SYNRG: variants seen among roughly 807,000 people sequenced by gnomAD.
SYNRG encodes the protein AP1 gamma subunit binding protein 1.
A neutral mutation model predicts 130.9 loss-of-function variants in SYNRG; 37 were observed. The observed-to-expected ratio is 0.28, with a 90% CI of 0.22 to 0.37. The LOEUF is 0.37. Among genes scored for constraint, SYNRG ranks in the 10% least tolerant of loss-of-function variants. The pLI is 1.00. For missense variants in SYNRG, 1,338 were observed against 1,588.9 expected, an observed-to-expected ratio of 0.84 and a Z score of 2.68; for synonymous variants, 539 against 568.1, an observed-to-expected ratio of 0.95 and a Z score of 0.73.
intron 19 of SYNRG, among the ~76,000 whole-genome samples, chr17:37,535,164 A>C (rs1435771189): frequency 6.6e-6 from 1 of 152,198 alleles, no homozygotes; most frequent in African/African-American, 2.4e-5. Context: ...ATTCCAAGGA[A>C]TAAATGGTCA....
chr17:37,546,231 A>T (rs895514390), intron 14 of SYNRG, among the ~76,000 whole-genome samples: 7 of 152,204 alleles, frequency 4.6e-5, no homozygotes, highest in African/African-American at 1.7e-4. Flanking sequence ...GTATAGATGG[A>T]TTTTCAATTT....
At chr17:37,558,837 T>C (rs1357608426) in intron 13 of SYNRG, among the ~76,000 whole-genome samples, 2 of 152,208 alleles carry the variant, frequency 1.3e-5, no homozygotes, top group African/African-American at 4.8e-5. Context: ...TCCTGTGTCT[T>C]GGTTGTGGCC....
rs188324990 is a variant in SYNRG, at chr17:37,522,336, G to T, written c.3667-1688C>A. Among the ~76,000 whole-genome samples, 176 of 151,824 alleles carry T rather than the reference G, an allele frequency of 1.2e-3. 1 individual carries two copies. The highest frequency in any genetic ancestry group is 4.8e-3 in the Admixed American group (73 of 15,250). ...TGCCACCACGCCCAGCTAATTTTTT[G>T]ATTTTTTTGTAAAGATGATTATCTC... is the stretch of plus-strand genomic sequence containing the variant. On this transcript the variant is annotated intron_variant, in intron 19 of 21. Coordinates refer to ENST00000612223, the MANE Select transcript of SYNRG (RefSeq NM_007247.6).
chr17:37,606,959 G>A (rs2063802797), intron 1 of SYNRG, among the ~76,000 whole-genome samples: 1 of 151,512 alleles, frequency 6.6e-6, no homozygotes, highest in South Asian at 2.1e-4. Flanking sequence ...GAGGGTGGGT[G>A]GCAAAAAGAA....
intron 7 of SYNRG, among the ~76,000 whole-genome samples, chr17:37,577,048 C>A (rs1476147816): frequency 6.6e-6 from 1 of 151,984 alleles, no homozygotes; most frequent in African/African-American, 2.4e-5. Context: ...TACATTTTAA[C>A]TTTTCAACCT....
intron 19 of SYNRG, among the ~76,000 whole-genome samples, chr17:37,534,913 T>C (rs888966468): frequency 6.0e-5 from 9 of 149,562 alleles, no homozygotes; most frequent in African/African-American, 2.2e-4. Context: ...AAAAAAAAAA[T>C]TGGAATAGCA....
At chr17:37,520,028 G>T in intron 21 of SYNRG, 151 bp downstream of exon 21, 1 of 793,586 alleles carries the variant, frequency 1.3e-6, no homozygotes, top group Non-Finnish European at 2.1e-6. Context: ...CACATTAGGA[G>T]ACTCCATCAA....
intron 15 of SYNRG, 179 bp downstream of exon 15, chr17:37,541,793 G>T: frequency 1.5e-6 from 1 of 661,554 alleles, no homozygotes; most frequent in Non-Finnish European, 2.5e-6. Context: ...GAGGGATGCT[G>T]ATTTTGACTC....
At chr17:37,604,785 T>C (rs1308405483) in intron 1 of SYNRG, among the ~76,000 whole-genome samples, 2 of 152,154 alleles carry the variant, frequency 1.3e-5, no homozygotes. Flanking sequence ...TCCTTTCACT[T>C]GAACACTTAG....
intron 3 of SYNRG, among the ~76,000 whole-genome samples, chr17:37,587,375 T>C (rs1412661661): frequency 6.6e-6 from 1 of 152,162 alleles, no homozygotes; most frequent in Non-Finnish European, 1.5e-5. Context: ...TTTTAATGAG[T>C]GAAAACTCTT....
intron 11 of SYNRG, among the ~76,000 whole-genome samples, chr17:37,564,929 G>T (rs1272366220): frequency 1.3e-5 from 2 of 152,182 alleles, no homozygotes; most frequent in African/African-American, 2.4e-5. Context: ...TTTGCTGGAT[G>T]AATAAATGAA....
chr17:37,586,332 C>A, intron 4 of SYNRG, 87 bp downstream of exon 4: 1 of 1,544,864 alleles, frequency 6.5e-7, no homozygotes, highest in South Asian at 1.2e-5. Context: ...GTTTTAGTTT[C>A]AAATCTGCAC....
At chr17:37,524,002 T>C (rs2055499447) in intron 19 of SYNRG, among the ~76,000 whole-genome samples, 1 of 152,206 alleles carries the variant, frequency 6.6e-6, no homozygotes, top group African/African-American at 2.4e-5. Context: ...GGAAGTTCGA[T>C]GTCGGGGCTC....
intron 10 of SYNRG, among the ~76,000 whole-genome samples, chr17:37,569,198 T>G (rs2145931123): frequency 6.6e-6 from 1 of 152,304 alleles, no homozygotes; most frequent in South Asian, 2.1e-4. Context: ...TCTCCTGAGG[T>G]CAGAAGTTCG....
chr17:37,574,928 A>C (rs1458651145), intron 8 of SYNRG, among the ~76,000 whole-genome samples: 1 of 152,216 alleles, frequency 6.6e-6, no homozygotes, highest in Non-Finnish European at 1.5e-5. Context: ...ATGGATAAAG[A>C]AAATGTGGTA....
chr17:37,570,766 A>T lies in SYNRG; in HGVS notation c.1218T>A (p.Pro406=). ...GGGGCATGGAGCCCGCAGGACCTGA[A>T]GGTATCACAGTTGGCTGACTCACCG... ...PTPVSQPTVI[P]SGPAGSMPLS... Residue 406 remains proline, a synonymous_variant, in exon 10 of 22, where the codon CCT becomes CCA. Coordinates refer to ENST00000612223, the MANE Select transcript of SYNRG (RefSeq NM_007247.6). The T allele has an allele frequency of 6.2e-7, 1 of 1,614,224 alleles. No homozygotes were observed. Among genetic ancestry groups the T allele is most frequent in the East Asian group, 2.2e-5 (1 of 44,896 alleles).
chr17:37,543,931 A>G (rs773635267), intron 14 of SYNRG, among the ~76,000 whole-genome samples: 9 of 152,270 alleles, frequency 5.9e-5, no homozygotes, highest in Admixed American at 2.0e-4. Flanking sequence ...TGACAACCAC[A>G]TATGTGATTT....
intron 1 of SYNRG, among the ~76,000 whole-genome samples, chr17:37,603,202 CTT>C (rs2063442601): frequency 6.6e-6 from 1 of 152,090 alleles, no homozygotes; most frequent in Non-Finnish European, 1.5e-5. Context: ...TCTAGATACT[CTT>C]TAGAGAATCT....
rs760757435 is a variant in SYNRG, at chr17:37,609,383, C to T, written c.-28G>A. ...TGCTCCCGACCTGCCGCTGCCTTCG[C>T]CGCCGCCACCTTATCAGCAGCTGTC... On this transcript the variant is annotated 5_prime_UTR_variant, in exon 1 of 22. Coordinates refer to ENST00000612223, the MANE Select transcript of SYNRG (RefSeq NM_007247.6). The T allele has an allele frequency of 2.1e-6, 3 of 1,403,120 alleles. No individual in the cohort carries two copies. Among genetic ancestry groups the T allele is most frequent in the Non-Finnish European group, 2.8e-6 (3 of 1,082,666 alleles). The allele number at this position is 1,403,120 out of a possible 1,614,324, so 86.9% of individuals were successfully genotyped here.
Sources: allele counts gnomAD v4.1 joint callset (sites outside exome capture counted in the v4.1 genomes callset), GRCh38; gene constraint gnomAD v4.1.1; transcripts MANE v1.5; gene names NCBI Gene and HGNC (gene_info 2026-07-23, HGNC 2026-07-21).